The following MND1 variants were observed in gnomAD, a reference collection of about 807,000 sequenced individuals.
MND1 encodes meiotic nuclear division protein 1 homolog.
Under a neutral mutation model 35.1 loss-of-function variants are expected in MND1, and 28 were observed. The ratio of observed to expected loss-of-function variants is 0.80; its 90% CI spans 0.59 to 1.09. The LOEUF (loss-of-function observed/expected upper bound fraction) is 1.09. Among genes scored for constraint, MND1 ranks in the 50% least tolerant of loss-of-function variants. MND1 has a pLI of 0.00. For missense variants in MND1, 213 were observed against 239.6 expected, an observed-to-expected ratio of 0.89 and a Z score of 0.73; for synonymous variants, 69 against 70.5, an observed-to-expected ratio of 0.98 and a Z score of 0.11.
Position 153,358,609 on chromosome 4 carries a change from T to G in MND1, c.263T>G (p.Val88Gly). 1 of 1,612,250 alleles carries G rather than the reference T, an allele frequency of 6.2e-7. No homozygotes were observed. Among genetic ancestry groups the G allele is most frequent in the Non-Finnish European group, 8.5e-7 (1 of 1,179,350 alleles). The change falls in exon 4 of 8, where the codon GTT becomes GGT. Residue 88 changes from valine to glycine, a missense_variant. Physicochemically the swap from Val to Gly is moderately radical, Grantham distance 109. Transcript: ENST00000240488. ...CATGCAAGGAAACATAAGTTGGAGG[T>G]TCTGGAATCTCAGGTAAGCTGCCAC... ...ALHARKHKLEVLESQLSEGSQ... is the reference protein window; with the variant it reads ...ALHARKHKLEGLESQLSEGSQ...
chr4:153,396,758 AG>A (rs1453073086), intron 5 of MND1, among the ~76,000 whole-genome samples: 1 of 152,148 alleles, frequency 6.6e-6, no homozygotes, highest in African/African-American at 2.4e-5. Flanking sequence ...TAAAATATAA[AG>A]GATATATTAA....
chr4:153,394,447 A>G lies in MND1; in HGVS notation c.351+111A>G. 6.9e-6 allele frequency: 5 copies of G among 729,002 alleles called. No homozygotes were observed. In the East Asian group the frequency reaches 1.3e-4, roughly 19 times the overall value. The allele number at this position is 729,002 out of a possible 1,614,324, so 45.2% of individuals were successfully genotyped here. The stretch of plus-strand genomic sequence containing the variant: ...ATTTCTACCAGAAGAGAAGGGGATC[A>G]TAGCCAAGGATAGGAACGTTTGACC... On this transcript the variant is annotated intron_variant, in intron 5 of 7. Coordinates refer to ENST00000240488, the MANE Select transcript of MND1 (RefSeq NM_032117.4).
At chr4:153,404,898 T>C (rs1729452515) in intron 6 of MND1, among the ~76,000 whole-genome samples, 1 of 152,126 alleles carries the variant, frequency 6.6e-6, no homozygotes, top group Non-Finnish European at 1.5e-5. Context: ...GGCTAATTTT[T>C]TTTTTATTAT....
At chr4:153,364,461 G>T (rs1490441576) in intron 4 of MND1, among the ~76,000 whole-genome samples, 1 of 151,610 alleles carries the variant, frequency 6.6e-6, no homozygotes, top group Non-Finnish European at 1.5e-5. Context: ...AGGTTGCAGT[G>T]AGCTGTATTC....
chr4:153,413,069 C>G (rs1729734551), intron 7 of MND1, among the ~76,000 whole-genome samples: 2 of 152,032 alleles, frequency 1.3e-5, no homozygotes, highest in African/African-American at 2.4e-5. Context: ...AGATACCAAT[C>G]CTACTGGATT....
At chr4:153,347,288 T>G (rs1295875928) in intron 1 of MND1, among the ~76,000 whole-genome samples, 2 of 152,206 alleles carry the variant, frequency 1.3e-5, no homozygotes, top group East Asian at 3.9e-4. Context: ...GCCCTAGGTT[T>G]AGTGAGCAGA....
At chr4:153,387,854 C>T (rs1176996916) in intron 4 of MND1, among the ~76,000 whole-genome samples, 1 of 150,668 alleles carries the variant, frequency 6.6e-6, no homozygotes, top group South Asian at 2.1e-4. Flanking sequence ...TTTTCCACAA[C>T]ATACTGCACG....
chr4:153,356,460 G>A (rs1773342575), intron 3 of MND1, among the ~76,000 whole-genome samples: 1 of 149,006 alleles, frequency 6.7e-6, no homozygotes, highest in Admixed American at 6.8e-5. Context: ...GGCTGAGGCA[G>A]GAGAATGGCG....
intron 4 of MND1, among the ~76,000 whole-genome samples, chr4:153,378,255 T>G (rs1020841929): frequency 1.3e-5 from 2 of 152,246 alleles, no homozygotes; most frequent in African/African-American, 4.8e-5. Flanking sequence ...ATTAAATAGT[T>G]ATTTTAGTAA....
intron 4 of MND1, among the ~76,000 whole-genome samples, chr4:153,377,545 AATG>A (rs1728544027): frequency 6.6e-6 from 1 of 152,196 alleles, no homozygotes; most frequent in Non-Finnish European, 1.5e-5. Flanking sequence ...CTCTCACTCT[AATG>A]AAGAGATGGC....
chr4:153,375,816 A>T (rs536684252), intron 4 of MND1, among the ~76,000 whole-genome samples: 2 of 152,322 alleles, frequency 1.3e-5, no homozygotes, highest in South Asian at 2.1e-4. Context: ...TTTGCTGAAA[A>T]TAATTTGAGG....
Position 153,356,280 on chromosome 4 carries a change from G to C in MND1, c.127+569G>C, listed in dbSNP as rs1773335934. Among the ~76,000 whole-genome samples, 2 of 152,282 alleles carry C rather than the reference G, an allele frequency of 1.3e-5. 1 individual carries two copies. The highest frequency in any genetic ancestry group is 4.1e-4 in the South Asian group (2 of 4,824). On this transcript the variant is annotated intron_variant, in intron 3 of 7. Coordinates refer to ENST00000240488, the MANE Select transcript of MND1 (RefSeq NM_032117.4). The stretch of plus-strand genomic sequence containing the variant: ...GAAAGATATGTATAAATTGGGCTGG[G>C]CGTGGTGGCTCACGCCTATAATCCC...
chr4:153,405,174 T>G (rs764449789), intron 6 of MND1, among the ~76,000 whole-genome samples: 8 of 152,166 alleles, frequency 5.3e-5, no homozygotes, highest in Non-Finnish European at 1.0e-4. Context: ...AGATCCAGAA[T>G]AGTCAAAAGA....
At chr4:153,355,902 A>C in intron 3 of MND1, 191 bp downstream of exon 3, 1 of 530,854 alleles carries the variant, frequency 1.9e-6, no homozygotes, top group Non-Finnish European at 3.4e-6. Context: ...TTTTCTGTAT[A>C]ATACATCCTG....
intron 4 of MND1, among the ~76,000 whole-genome samples, chr4:153,370,602 C>G (rs1773766919): frequency 6.6e-6 from 1 of 152,042 alleles, no homozygotes; most frequent in South Asian, 2.1e-4. Flanking sequence ...TCACTGCAAC[C>G]TCCGCCTCCC....
chr4:153,355,580 A>T, intron 2 of MND1, 74 bp from the exon 3 acceptor site: 1 of 944,612 alleles, frequency 1.1e-6, no homozygotes, highest in Non-Finnish European at 1.7e-6. Context: ...CATAATAAAA[A>T]TTTTTAAAAA....
chr4:153,400,937 A>C (rs1729332014), intron 6 of MND1, among the ~76,000 whole-genome samples: 1 of 152,224 alleles, frequency 6.6e-6, no homozygotes, highest in African/African-American at 2.4e-5. Flanking sequence ...AGAAGATATA[A>C]AAAAGACCCA....
intron 4 of MND1, among the ~76,000 whole-genome samples, chr4:153,377,733 G>A (rs187977930): frequency 5.1e-4 from 78 of 152,188 alleles, no homozygotes; most frequent in African/African-American, 1.8e-3. Context: ...AGGGTGAAGG[G>A]CACTATAGCG....
intron 6 of MND1, 69 bp downstream of exon 6, chr4:153,397,402 C>T (rs79592336): frequency 0.042 from 46,625 of 1,099,344 alleles, 2,008 homozygotes; most frequent in African/African-American, 0.16. Flanking sequence ...TTCTAGTTGC[C>T]TGCTAACTAT....
Sources: gnomAD v4.1 joint callset for allele counts (sites outside exome capture counted in the v4.1 genomes callset) on GRCh38, gnomAD v4.1.1 for gene constraint, MANE v1.5 for transcripts, NCBI Gene and HGNC (gene_info 2026-07-23, HGNC 2026-07-21) for gene names.